Variants in PDE1C observed in about 807,000 individuals in gnomAD.
PDE1C encodes the protein dual specificity calcium/calmodulin-dependent 3',5'-cyclic nucleotide phosphodiesterase 1C.
Under a neutral mutation model 93.1 loss-of-function variants are expected in PDE1C, and 62 were observed. That is an observed-to-expected ratio of 0.67 (90% confidence interval 0.54 to 0.82). PDE1C has a LOEUF of 0.82. PDE1C is among the 40% of genes least tolerant of loss of function. The pLI is 0.00. For synonymous variants in PDE1C, 325 were observed against 310.1 expected (o/e 1.05, Z -0.50); for missense variants, 742 against 884.6 (o/e 0.84, Z 2.04).
chr7:31,835,982 G>A (rs1210363040), intron 11 of PDE1C, among the ~76,000 whole-genome samples: 1 of 152,172 alleles, frequency 6.6e-6, no homozygotes, highest in Non-Finnish European at 1.5e-5. Context: ...TCAGTTTGCG[G>A]GACGAAGTTG....
At chr7:32,027,003 G>A (rs1563214815) in intron 2 of PDE1C, among the ~76,000 whole-genome samples, 1 of 152,102 alleles carries the variant, frequency 6.6e-6, no homozygotes, top group Non-Finnish European at 1.5e-5. Context: ...TAATTGCCAG[G>A]GGTTTGGAGG....
the PDE1C span, among the ~76,000 whole-genome samples, chr7:31,624,644 C>T: frequency 3.9e-4 from 58 of 149,080 alleles, no homozygotes; most frequent in African/African-American, 9.4e-4. Context: ...AAGACTTAAA[C>T]GTTAGACCTA....
At chr7:32,137,606 T>C (rs1379285922) in intron 3 of PDE1C, among the ~76,000 whole-genome samples, 2 of 152,250 alleles carry the variant, frequency 1.3e-5, no homozygotes, top group African/African-American at 4.8e-5. Flanking sequence ...TGACCAAGGC[T>C]GTTCATCATC....
chr7:31,917,091 G>C (rs191831412), intron 2 of PDE1C, among the ~76,000 whole-genome samples: 3 of 152,020 alleles, frequency 2.0e-5, no homozygotes, highest in African/African-American at 7.2e-5. Flanking sequence ...ACCCCTGGAT[G>C]GGAAAGGTAT....
intron 16 of PDE1C, among the ~76,000 whole-genome samples, chr7:31,775,991 C>T (rs1405729433): frequency 6.6e-6 from 1 of 152,040 alleles, no homozygotes; most frequent in African/African-American, 2.4e-5. Context: ...CTGAGCAATG[C>T]TACATTTTAG....
intron 7 of PDE1C, among the ~76,000 whole-genome samples, chr7:31,852,326 T>C (rs1455427963): frequency 6.6e-6 from 1 of 152,160 alleles, no homozygotes; most frequent in Non-Finnish European, 1.5e-5. Context: ...TTCTGGCATC[T>C]TCAATAATAT....
intron 2 of PDE1C, among the ~76,000 whole-genome samples, chr7:31,907,109 A>G (rs1037697915): frequency 7.4e-6 from 1 of 135,140 alleles, no homozygotes; most frequent in African/African-American, 2.5e-5. Flanking sequence ...TTCTTACCTC[A>G]GGGCCAGAAC....
chr7:32,078,536 C>T (rs1293187944), intron 3 of PDE1C, among the ~76,000 whole-genome samples: 1 of 152,152 alleles, frequency 6.6e-6, no homozygotes, highest in African/African-American at 2.4e-5. Flanking sequence ...TAGATAATAA[C>T]AGAGAACCTG....
chr7:32,376,788 C>T (rs183677800), intron 1 of PDE1C, among the ~76,000 whole-genome samples: 41 of 152,198 alleles, frequency 2.7e-4, no homozygotes, highest in Non-Finnish European at 4.1e-4. Context: ...CCCAGGTTCA[C>T]GCCATTCTCC....
chr7:32,010,427 C>T (rs527686406), intron 2 of PDE1C, among the ~76,000 whole-genome samples: 7 of 152,202 alleles, frequency 4.6e-5, no homozygotes, highest in South Asian at 2.1e-4. Context: ...CTGAAACTAC[C>T]GGATTTCCAT....
At chr7:31,989,604 G>A (rs1359116812) in intron 2 of PDE1C, among the ~76,000 whole-genome samples, 1 of 152,120 alleles carries the variant, frequency 6.6e-6, no homozygotes, top group African/African-American at 2.4e-5. Context: ...TTACACTTGG[G>A]TGTCTCTGCT....
intron 3 of PDE1C, among the ~76,000 whole-genome samples, chr7:32,096,836 T>TAGATAGAC (rs1797775600): frequency 6.6e-6 from 1 of 150,396 alleles, no homozygotes; most frequent in Admixed American, 6.6e-5. Flanking sequence ...GATAGATAGA[T>TAGATAGAC]AGATAGATAG....
At position 32,154,346 on chromosome 7, in the gene PDE1C, A is replaced by C. The variant is rs138763327; in HGVS notation, c.308+15439T>G. Among the ~76,000 whole-genome samples the C allele has an allele frequency of 7.7e-3, 1,178 of 152,228 alleles. 9 individuals carry two copies. The highest frequency in any genetic ancestry group is 0.027 in the African/African-American group (1,141 of 41,516). On this transcript the variant is annotated intron_variant, in intron 3 of 18. Transcript: ENST00000396193. The stretch of plus-strand genomic sequence containing the variant: ...AGGCACTACACTAAATGCCTTTTTT[A>C]ACCTTTTATTTAAATGATTATAGAC...
intron 17 of PDE1C, among the ~76,000 whole-genome samples, chr7:31,759,215 GC>G (rs1302022244): frequency 6.6e-6 from 1 of 152,194 alleles, no homozygotes; most frequent in African/African-American, 2.4e-5. Flanking sequence ...TGGTGACAGA[GC>G]AAAACACCAG....
At chr7:31,805,603 A>G (rs1786723325) in intron 16 of PDE1C, among the ~76,000 whole-genome samples, 1 of 149,646 alleles carries the variant, frequency 6.7e-6, no homozygotes, top group Non-Finnish European at 1.5e-5. Context: ...AAGTACTCTC[A>G]ATGGCTATGG....
At chr7:32,000,760 C>A (rs189039700) in intron 2 of PDE1C, among the ~76,000 whole-genome samples, 92 of 152,292 alleles carry the variant, frequency 6.0e-4, no homozygotes, top group African/African-American at 2.0e-3. Context: ...TGTCTGGTAC[C>A]CTGGAACCAG....
rs774007647 is a variant in PDE1C at position 31,864,935 on chromosome 7, T to C, written c.750+7A>G. 5.0e-6 allele frequency: 8 copies of C among 1,612,752 alleles called. No individual in the cohort carries two copies. In the Admixed American group the frequency reaches 1.3e-4, roughly 27 times the overall value. On this transcript the variant is annotated splice_region_variant and intron_variant, in intron 7 of 17. Transcript: ENST00000396191. Reference sequence around the variant, plus strand: ...TGGGGAACCTAAGAGTTCCTATCCCTACTTACCGCCACTCCTGTCTTATAG... The same window carrying C: ...TGGGGAACCTAAGAGTTCCTATCCCCACTTACCGCCACTCCTGTCTTATAG...
chr7:31,852,849 T>C (rs1793516528), intron 7 of PDE1C, among the ~76,000 whole-genome samples: 1 of 67,928 alleles, frequency 1.5e-5, no homozygotes, highest in Non-Finnish European at 3.7e-5. Flanking sequence ...ATATATTACA[T>C]ATGCAGTTTT....
intron 1 of PDE1C, among the ~76,000 whole-genome samples, chr7:32,253,159 T>C (rs1809515378): frequency 6.6e-6 from 1 of 152,188 alleles, no homozygotes; most frequent in South Asian, 2.1e-4. Context: ...TATTTAATAC[T>C]CGTGACAACC....
Sources: gnomAD v4.1 joint callset for allele counts (sites outside exome capture counted in the v4.1 genomes callset) on GRCh38, gnomAD v4.1.1 for gene constraint, MANE v1.5 for transcripts, NCBI Gene and HGNC (gene_info 2026-07-23, HGNC 2026-07-21) for gene names.